ERBB4: variants seen among roughly 807,000 people sequenced by gnomAD.
ERBB4 encodes receptor tyrosine-protein kinase erbB-4.
A neutral mutation model predicts 158.0 loss-of-function variants in ERBB4; 42 were observed. That is an observed-to-expected ratio of 0.27 (90% CI 0.21 to 0.34). The LOEUF (loss-of-function observed/expected upper bound fraction) is 0.34, where lower values mean the gene tolerates loss of function less well. Ranked by LOEUF, ERBB4 falls within the 10% of genes least tolerant of loss-of-function variation. The pLI is 1.00. For missense variants in ERBB4, 1,333 were observed against 1,624.1 expected, an observed-to-expected ratio of 0.82 and a Z score of 3.08; for synonymous variants, 583 against 558.7, an observed-to-expected ratio of 1.04 and a Z score of -0.61.
intron 1 of ERBB4, among the ~76,000 whole-genome samples, chr2:212,286,596 T>TGTTTTTTTTTTTTG (rs200822862): frequency 2.2e-5 from 2 of 91,132 alleles, no homozygotes; most frequent in African/African-American, 1.3e-4. Flanking sequence ...AGTGCTGACT[T>TGTTTTTTTTTTTTG]TTTTTTTTTT....
At chr2:211,597,711 T>C (rs1397688414) in intron 19 of ERBB4, among the ~76,000 whole-genome samples, 1 of 152,162 alleles carries the variant, frequency 6.6e-6, no homozygotes, top group East Asian at 1.9e-4. Flanking sequence ...ATTATTAAAA[T>C]GGTAAAGAGA....
Position 211,651,769 on chromosome 2 carries a change from C to T in ERBB4, c.1946+5985G>A, listed in dbSNP as rs537932378. Among the ~76,000 whole-genome samples the T allele has an allele frequency of 1.4e-4, 22 of 152,194 alleles. No individual in the cohort carries two copies. In the South Asian group the frequency reaches 4.4e-3, roughly 30 times the overall value. On this transcript the variant is annotated intron_variant, in intron 16 of 27. Transcript: ENST00000342788. Reference sequence around the variant, plus strand: ...CTAAGAGTCAGCAATAACTTGGGAGCCTCAGTTCTACAACTTCAAGGAACT... The same window carrying T: ...CTAAGAGTCAGCAATAACTTGGGAGTCTCAGTTCTACAACTTCAAGGAACT...
At chr2:211,442,183 T>C (rs1485690443) in intron 20 of ERBB4, among the ~76,000 whole-genome samples, 2 of 152,094 alleles carry the variant, frequency 1.3e-5, no homozygotes, top group East Asian at 3.9e-4. Context: ...TTACACTTAC[T>C]ATTTCCTTTA....
intron 1 of ERBB4, among the ~76,000 whole-genome samples, chr2:212,537,579 G>A (rs559818264): frequency 2.3e-4 from 35 of 152,120 alleles, no homozygotes; most frequent in Admixed American, 1.6e-3. Context: ...TGCCGCTTTC[G>A]CCTCGGGTGG....
chr2:211,523,522 C>T (rs561143846), intron 20 of ERBB4, among the ~76,000 whole-genome samples: 7 of 151,582 alleles, frequency 4.6e-5, no homozygotes, highest in East Asian at 2.0e-4. Flanking sequence ...CGGATGTGTT[C>T]GGAGTTTCGT....
intron 1 of ERBB4, among the ~76,000 whole-genome samples, chr2:212,226,529 A>G (rs1338733165): frequency 6.6e-6 from 1 of 152,180 alleles, no homozygotes; most frequent in African/African-American, 2.4e-5. Flanking sequence ...AGAAACCATA[A>G]TTATATAGTT....
chr2:211,684,484 G>A (rs2072483330), intron 12 of ERBB4, among the ~76,000 whole-genome samples: 1 of 151,748 alleles, frequency 6.6e-6, no homozygotes, highest in African/African-American at 2.4e-5. Flanking sequence ...GAAAAGAAAA[G>A]AAGAAAAGAA....
chr2:212,216,657 A>T (rs1410773452), intron 1 of ERBB4, among the ~76,000 whole-genome samples: 1 of 151,474 alleles, frequency 6.6e-6, no homozygotes, highest in East Asian at 1.9e-4. Flanking sequence ...ATGAACTCAA[A>T]TATGAGTGTC....
chr2:212,470,446 TACA>T (rs1202358429), intron 1 of ERBB4, among the ~76,000 whole-genome samples: 1 of 152,128 alleles, frequency 6.6e-6, no homozygotes, highest in Non-Finnish European at 1.5e-5. Flanking sequence ...CATACAGTTT[TACA>T]ATGAGACCTG....
chr2:212,005,575 T>C (rs370878046), intron 2 of ERBB4, among the ~76,000 whole-genome samples: 4 of 152,252 alleles, frequency 2.6e-5, no homozygotes, highest in South Asian at 4.1e-4. Context: ...ATATGGAATT[T>C]TGGGAGAGTG....
chr2:211,710,078 T>A (rs766794981), intron 9 of ERBB4, among the ~76,000 whole-genome samples: 4 of 152,154 alleles, frequency 2.6e-5, no homozygotes, highest in Non-Finnish European at 5.9e-5. Flanking sequence ...AGAATTATAA[T>A]AATTAAAACA....
At chr2:211,986,907 C>A (rs1241330547) in intron 2 of ERBB4, among the ~76,000 whole-genome samples, 1 of 152,034 alleles carries the variant, frequency 6.6e-6, no homozygotes, top group Non-Finnish European at 1.5e-5. Context: ...ACAAGTGATA[C>A]TTCATATTCA....
intron 1 of ERBB4, among the ~76,000 whole-genome samples, chr2:212,331,486 C>T (rs2088168671): frequency 6.6e-6 from 1 of 151,730 alleles, no homozygotes; most frequent in African/African-American, 2.4e-5. Flanking sequence ...AAATCTATTC[C>T]CTCTCCTTCA....
At chr2:212,262,888 C>G (rs112584547) in intron 1 of ERBB4, among the ~76,000 whole-genome samples, 6 of 152,206 alleles carry the variant, frequency 3.9e-5, no homozygotes, top group African/African-American at 1.2e-4. Flanking sequence ...AATTAATACT[C>G]AGGAATCTCC....
At chr2:212,233,571 A>ATTAT (rs139884027) in intron 1 of ERBB4, among the ~76,000 whole-genome samples, 6,247 of 152,274 alleles carry the variant, frequency 0.041, 396 homozygotes, top group African/African-American at 0.14. Context: ...AAACATGCCG[A>ATTAT]TTAGACAGAT....
chr2:212,374,283 C>T (rs1362867799), intron 1 of ERBB4, among the ~76,000 whole-genome samples: 1 of 151,164 alleles, frequency 6.6e-6, no homozygotes, highest in Non-Finnish European at 1.5e-5. Context: ...TTAACAGTGA[C>T]TATTTTGACT....
chr2:212,270,592 G>A (rs948363490), intron 1 of ERBB4, among the ~76,000 whole-genome samples: 33 of 151,736 alleles, frequency 2.2e-4, no homozygotes, highest in Admixed American at 2.2e-3. Flanking sequence ...TGCCAGAAAC[G>A]ACACTATGCC....
chr2:212,429,898 TTC>T (rs2091989123), intron 1 of ERBB4, among the ~76,000 whole-genome samples: 1 of 152,212 alleles, frequency 6.6e-6, no homozygotes, highest in South Asian at 2.1e-4. Flanking sequence ...AATTAATAGG[TTC>T]TTTTAATTAA....
chr2:212,307,668 A>C (rs1031245063), intron 1 of ERBB4, among the ~76,000 whole-genome samples: 1 of 151,222 alleles, frequency 6.6e-6, no homozygotes, highest in African/African-American at 2.4e-5. Context: ...GGGTCCTTTC[A>C]AATAAGAATT....
Sources: allele counts gnomAD v4.1 joint callset (sites outside exome capture counted in the v4.1 genomes callset), GRCh38; gene constraint gnomAD v4.1.1; transcripts MANE v1.5; gene names NCBI Gene and HGNC (gene_info 2026-07-23, HGNC 2026-07-21).